The following PIEZO1 variants were observed in gnomAD, a reference collection of about 807,000 sequenced individuals.
The protein encoded by PIEZO1 is piezo-type mechanosensitive ion channel component 1.
Under a neutral mutation model 297.2 loss-of-function variants are expected in PIEZO1, and 296 were observed. That is an observed-to-expected ratio of 1.00 (90% CI 0.91 to 1.10). The LOEUF (loss-of-function observed/expected upper bound fraction) is 1.10. PIEZO1 is among the 50% of genes least tolerant of loss of function. The probability of loss-of-function intolerance (pLI) is 0.00; values close to 1 mark genes in which losing one functional copy is unlikely to be tolerated. For synonymous variants in PIEZO1, 2,427 were observed against 1,507.5 expected (o/e 1.61, Z -14.13); for missense variants, 5,018 against 3,455.5 (o/e 1.45, Z -11.34).
intron 1 of PIEZO1, among the ~76,000 whole-genome samples, chr16:88,756,045 C>T (rs2142875482): frequency 6.6e-6 from 1 of 152,300 alleles, no homozygotes; most frequent in South Asian, 2.1e-4. Flanking sequence ...CACTTGGGTC[C>T]AGGGTCACAG....
intron 2 of PIEZO1, chr16:88,742,837 C>T (rs1279352681): frequency 1.1e-5 from 4 of 349,206 alleles, no homozygotes; most frequent in South Asian, 6.4e-5. Context: ...GAGACCAGAG[C>T]ATGCGGAGCG....
Position 88,720,053 on chromosome 16 carries a change from C to T in PIEZO1, c.6164+16G>A, listed in dbSNP as rs781411397. ...CCCCGCCCCTGGAGACCGAGCGCCC[C>T]CACGCGTGGGCCCACCTCTCAGTGA... On this transcript the variant is annotated intron_variant, in intron 42 of 50. Transcript: ENST00000301015. The T allele has an allele frequency of 1.4e-5, 21 of 1,549,898 alleles. 1 individual carries two copies. Among genetic ancestry groups the T allele is most frequent in the South Asian group, 9.5e-5 (8 of 84,050 alleles).
At chr16:88,755,914 G>A (rs1176615427) in intron 1 of PIEZO1, among the ~76,000 whole-genome samples, 1 of 152,150 alleles carries the variant, frequency 6.6e-6, no homozygotes, top group African/African-American at 2.4e-5. Context: ...GGGCCAGGGG[G>A]TGGCAATTCC....
intron 34 of PIEZO1, 74 bp from the exon 35 acceptor site, chr16:88,722,763 G>C: frequency 5.2e-6 from 8 of 1,526,116 alleles, no homozygotes; most frequent in Non-Finnish European, 7.0e-6. Context: ...CAGTGGGCGC[G>C]GGACTAGGCT....
chr16:88,718,505 C>G (rs1196739002), intron 44 of PIEZO1: 1 of 152,296 alleles, frequency 6.6e-6, no homozygotes, highest in Non-Finnish European at 1.5e-5. Context: ...TGCCCATAAA[C>G]AGGAAGGCCA....
chr16:88,754,006 G>A (rs886110420), intron 1 of PIEZO1, among the ~76,000 whole-genome samples: 2 of 152,228 alleles, frequency 1.3e-5, no homozygotes, highest in Non-Finnish European at 2.9e-5. Context: ...TGCCCAGGCT[G>A]GGCCTGTGAC....
chr16:88,717,306 C>T, intron 44 of PIEZO1, 95 bp from the exon 45 acceptor site: 8 of 1,095,014 alleles, frequency 7.3e-6, no homozygotes, highest in Non-Finnish European at 1.1e-5. Context: ...CCAGAAAAGC[C>T]CCAGCCTGAC....
chr16:88,717,134 G>A lies in PIEZO1; in HGVS notation c.6549C>T (p.Leu2183=). 1 of 1,551,384 alleles carries A rather than the reference G, an allele frequency of 6.4e-7. No homozygotes were observed. Among genetic ancestry groups the A allele is most frequent in the South Asian group, 1.2e-5 (1 of 84,062 alleles). The stretch of plus-strand genomic sequence containing the variant: ...GCAGTGGGAACCAGATGATGGCGAT[G>A]AGGAAGAGGATGATGAGGCCACCCA... The part of the protein sequence containing the change: ...YGMGGLIILF[L]IAIIWFPLLF... The change falls in exon 45 of 51, where the codon CTC becomes CTT. Residue 2183 remains leucine (L), a synonymous_variant. Transcript: ENST00000301015.
chr16:88,765,494 G>A (rs548071978), intron 1 of PIEZO1, among the ~76,000 whole-genome samples: 1 of 152,230 alleles, frequency 6.6e-6, no homozygotes, highest in South Asian at 2.1e-4. Flanking sequence ...AGTGAAATGG[G>A]GACAGAATTG....
In PIEZO1 at chr16:88,733,914, A is replaced by T. The variant is rs1200093436; in HGVS notation, c.2321T>A (p.Val774Glu). Residue 774 changes from valine to glutamate, a missense_variant, in exon 17 of 51, where the codon GTG becomes GAG. Physicochemically the swap from Val to Glu is moderately radical, Grantham distance 121 (BLOSUM62 -2). Transcript: ENST00000301015. ...GVATPHQATQ[V>E]PEGAAKWGLV... ...CTGCCCGCCCAACCCACCTTCAGGCACCTGCGTGGCCTGGTGGGGAGTGGC... is the reference window on the plus strand; with the variant it reads ...CTGCCCGCCCAACCCACCTTCAGGCTCCTGCGTGGCCTGGTGGGGAGTGGC... 3 of 1,503,816 alleles carry T rather than the reference A, an allele frequency of 2.0e-6. No homozygotes were observed. The highest frequency in any genetic ancestry group is 2.7e-6 in the Non-Finnish European group (3 of 1,119,522). The allele number at this position is 1,503,816 out of a possible 1,614,324, so 93.2% of individuals were successfully genotyped here. A position where few individuals can be genotyped will look rare whatever the true frequency, so the allele number is the denominator to read the frequency against.
intron 40 of PIEZO1, 32 bp from the exon 41 acceptor site, chr16:88,720,564 T>TTCCCCCCCCCC: frequency 6.5e-7 from 1 of 1,542,094 alleles, no homozygotes; most frequent in Non-Finnish European, 8.8e-7. Flanking sequence ...CTGGGCCCAG[T>TTCCCCCCCCCC]ACCCGCCTCC....
At chr16:88,762,627 G>A (rs1597480918) in intron 1 of PIEZO1, among the ~76,000 whole-genome samples, 1 of 152,210 alleles carries the variant, frequency 6.6e-6, no homozygotes, top group African/African-American at 2.4e-5. Flanking sequence ...GGCAAGGAAG[G>A]GGCAGCCTCT....
intron 1 of PIEZO1, among the ~76,000 whole-genome samples, chr16:88,781,789 C>T (rs1481767109): frequency 6.6e-6 from 1 of 152,250 alleles, no homozygotes; most frequent in Admixed American, 6.5e-5. Context: ...TTCTCGGCCG[C>T]CTCCCAGGAG....
chr16:88,727,942 C>T (rs1289973657), intron 22 of PIEZO1: 6 of 281,420 alleles, frequency 2.1e-5, no homozygotes, highest in Middle Eastern at 1.0e-3. Flanking sequence ...GCCCACACGG[C>T]GTCATATTCC....
intron 17 of PIEZO1, 31 bp downstream of exon 17, chr16:88,733,875 G>C: frequency 1.4e-6 from 2 of 1,472,832 alleles, no homozygotes; most frequent in Non-Finnish European, 1.8e-6. Flanking sequence ...AGCAGACTGG[G>C]TGGCAGCTGT....
At chr16:88,722,174 C>T (rs561049680) in intron 36 of PIEZO1, 44 bp downstream of exon 36, 107 of 1,530,360 alleles carry the variant, frequency 7.0e-5, no homozygotes, top group East Asian at 9.8e-5. Flanking sequence ...GGCTGCTCCC[C>T]GAGGGCCATG....
chr16:88,784,357 G>A (rs1045673819), intron 1 of PIEZO1, among the ~76,000 whole-genome samples: 1 of 152,240 alleles, frequency 6.6e-6, no homozygotes, highest in Non-Finnish European at 1.5e-5. Context: ...CGGCAGAGGG[G>A]GGTGCAGCGG....
At chr16:88,732,826 C>T in intron 19 of PIEZO1, 94 bp from the exon 20 acceptor site, 1 of 1,266,094 alleles carries the variant, frequency 7.9e-7, no homozygotes, top group Non-Finnish European at 1.1e-6. Flanking sequence ...TGGGGCAGGT[C>T]CACTGCTCCC....
At chr16:88,723,799 C>T in intron 31 of PIEZO1, 72 bp downstream of exon 31, 1 of 826,292 alleles carries the variant, frequency 1.2e-6, no homozygotes, top group Non-Finnish European at 2.0e-6. Flanking sequence ...ATCTGACACC[C>T]TCTATGCTGC....
Sources: gnomAD v4.1 joint callset for allele counts (sites outside exome capture counted in the v4.1 genomes callset) on GRCh38, gnomAD v4.1.1 for gene constraint, MANE v1.5 for transcripts, NCBI Gene and HGNC (gene_info 2026-07-23, HGNC 2026-07-21) for gene names.